Variants in DLGAP1 observed in about 807,000 individuals in gnomAD.
DLGAP1 encodes the protein DLG associated protein 1.
A neutral mutation model predicts 90.8 loss-of-function variants in DLGAP1; 11 were observed. That is an observed-to-expected ratio of 0.12 (90% CI 0.08 to 0.20). The LOEUF (loss-of-function observed/expected upper bound fraction) is 0.20, where lower values mean the gene tolerates loss of function less well. Among genes scored for constraint, DLGAP1 ranks in the 10% least tolerant of loss-of-function variants. DLGAP1 has a pLI of 1.00. For missense variants in DLGAP1, 1,050 were observed against 1,333.8 expected, an observed-to-expected ratio of 0.79 and a Z score of 3.31; for synonymous variants, 558 against 540.7, an observed-to-expected ratio of 1.03 and a Z score of -0.44.
At chr18:3,582,529 A>C (rs1316912472) in intron 7 of DLGAP1, among the ~76,000 whole-genome samples, 1 of 152,164 alleles carries the variant, frequency 6.6e-6, no homozygotes, top group East Asian at 1.9e-4. Flanking sequence ...AACATAAACT[A>C]GATACGATTA....
At chr18:4,401,218 A>G (rs1381347564) in intron 1 of DLGAP1, among the ~76,000 whole-genome samples, 1 of 152,180 alleles carries the variant, frequency 6.6e-6, no homozygotes, top group Non-Finnish European at 1.5e-5. Flanking sequence ...TCACAACACA[A>G]AACTCCTTTG....
chr18:3,652,594 C>T (rs371245510), intron 7 of DLGAP1, among the ~76,000 whole-genome samples: 8 of 152,188 alleles, frequency 5.3e-5, no homozygotes, highest in African/African-American at 1.2e-4. Context: ...TTTCCTGCCT[C>T]GCCCTCCCAG....
intron 5 of DLGAP1, among the ~76,000 whole-genome samples, chr18:3,746,862 T>A (rs2003032): frequency 0.45 from 68,485 of 151,930 alleles, 16,702 homozygotes; most frequent in African/African-American, 0.64. Flanking sequence ...CTTAGTAGCA[T>A]TGTGTACGAT....
intron 1 of DLGAP1, among the ~76,000 whole-genome samples, chr18:4,341,787 C>T (rs1300468004): frequency 1.3e-5 from 2 of 152,130 alleles, no homozygotes; most frequent in Non-Finnish European, 2.9e-5. Flanking sequence ...AAGAGGGATT[C>T]ATTTTAGCTC....
Position 3,653,659 on chromosome 18 carries a change from A to G in DLGAP1, c.1592-71411T>C, listed in dbSNP as rs2059388796. ...TGGAATCTTGGTTTGTTTTTCTCTT[A>G]GGACTTTGACAATTATTTTTCCTTG... On this transcript the variant is annotated intron_variant, in intron 7 of 12. Coordinates refer to ENST00000315677, the MANE Select transcript of DLGAP1 (RefSeq NM_004746.4). This position sits in a 1 kb window ranked among gnomAD's most constrained non-coding sequence, Gnocchi z 4.6. 6.6e-6 allele frequency: 1 copy of G among 152,224 alleles called. No homozygotes were observed. 9.4% of individuals were successfully genotyped at this position (152,224 alleles called of 1,614,324 possible).
At chr18:4,136,045 T>G (rs1001405516) in intron 2 of DLGAP1, among the ~76,000 whole-genome samples, 1 of 151,650 alleles carries the variant, frequency 6.6e-6, no homozygotes, top group African/African-American at 2.4e-5. Context: ...AGGCCCGATG[T>G]GTGATGTTCC....
chr18:3,899,406 C>T (rs2071733987), intron 3 of DLGAP1, among the ~76,000 whole-genome samples: 1 of 152,198 alleles, frequency 6.6e-6, no homozygotes, highest in African/African-American at 2.4e-5. Context: ...GCAAGAGTGC[C>T]TGTGGCCAGA....
chr18:3,500,529 G>A (rs74834850), intron 12 of DLGAP1, among the ~76,000 whole-genome samples: 2,382 of 152,284 alleles, frequency 0.016, 51 homozygotes, highest in African/African-American at 0.045. Context: ...CAAGTGCCTA[G>A]TTCAACTTCT....
chr18:3,504,561 T>G (rs997092552), intron 11 of DLGAP1, among the ~76,000 whole-genome samples: 1 of 151,992 alleles, frequency 6.6e-6, no homozygotes, highest in African/African-American at 2.4e-5. Flanking sequence ...ATTTTTGTGT[T>G]TTTTTGTAGA....
intron 5 of DLGAP1, among the ~76,000 whole-genome samples, chr18:3,793,963 C>A (rs1171221096): frequency 1.3e-5 from 2 of 152,242 alleles, no homozygotes; most frequent in Non-Finnish European, 2.9e-5. Context: ...GATGCAAGCT[C>A]TGTAAGGGCA....
chr18:3,906,344 TTTATC>T (rs1259062347), intron 3 of DLGAP1, among the ~76,000 whole-genome samples: 1 of 152,198 alleles, frequency 6.6e-6, no homozygotes, highest in Non-Finnish European at 1.5e-5. Flanking sequence ...TGCATTTTGC[TTTATC>T]TTATCTTGAG....
intron 1 of DLGAP1, among the ~76,000 whole-genome samples, chr18:4,356,845 T>C (rs1185267960): frequency 6.6e-6 from 1 of 152,180 alleles, no homozygotes. Context: ...ATCACCTTTG[T>C]TTGCTCTGCT....
intron 3 of DLGAP1, among the ~76,000 whole-genome samples, chr18:3,945,764 C>T (rs797000484): frequency 1.1e-4 from 15 of 140,250 alleles, no homozygotes; most frequent in African/African-American, 4.0e-4. Context: ...CACATGTACC[C>T]TAAAACTTAA....
At chr18:4,343,272 A>C (rs1046021324) in intron 1 of DLGAP1, among the ~76,000 whole-genome samples, 7 of 148,874 alleles carry the variant, frequency 4.7e-5, no homozygotes. Context: ...GTGCCACTGC[A>C]CTCCAGCCTG....
intron 5 of DLGAP1, among the ~76,000 whole-genome samples, chr18:3,810,923 A>T (rs2066800315): frequency 6.6e-6 from 1 of 152,054 alleles, no homozygotes; most frequent in African/African-American, 2.4e-5. Context: ...CTCCCACCTC[A>T]GCCTCCCGAG....
Position 3,711,821 on chromosome 18 carries a change from A to C in DLGAP1, c.1591+17314T>G, listed in dbSNP as rs899768144. Among the ~76,000 whole-genome samples, 5 of 152,234 alleles carry C rather than the reference A, an allele frequency of 3.3e-5. No homozygotes were observed. Among genetic ancestry groups the C allele is most frequent in the African/African-American group, 1.2e-4 (5 of 41,466 alleles). ...GCCACTGCACTCCAGTCTGGGCAAC[A>C]GAGTGAGACCTTGTCTCAAAAAGAA... is the stretch of plus-strand genomic sequence containing the variant. On this transcript the variant is annotated intron_variant, in intron 7 of 12. Transcript: ENST00000315677. The surrounding 1 kb of genome is among the most constrained non-coding windows in gnomAD (Gnocchi z 4.0).
rs60343720 is a variant in DLGAP1, at chr18:3,551,960, G to GT, written c.2057+15529dup. Among the ~76,000 whole-genome samples the GT allele has an allele frequency of 9.0e-3, 1,292 of 142,862 alleles. 26 individuals are homozygous for GT. Among genetic ancestry groups the GT allele is most frequent in the African/African-American group, 0.03 (1,154 of 38,810 alleles). The allele number at this position is 142,862 out of a possible 152,430, so 93.7% of individuals were successfully genotyped here. On this transcript the variant is annotated intron_variant, in intron 9 of 12. Transcript: ENST00000315677. ...CACTTGGCTAATTTATTTTTAAATT[G>GT]TTTTTTTTTTTCTTTCTTTTTATTT...
At chr18:3,853,009 G>C (rs2069428804) in intron 4 of DLGAP1, among the ~76,000 whole-genome samples, 1 of 151,744 alleles carries the variant, frequency 6.6e-6, no homozygotes, top group Non-Finnish European at 1.5e-5. Context: ...AACTAGTTGG[G>C]CATTTATTTT....
intron 2 of DLGAP1, among the ~76,000 whole-genome samples, chr18:4,079,989 GCTGT>G (rs952477672): frequency 7.3e-4 from 111 of 152,198 alleles, no homozygotes; most frequent in African/African-American, 2.6e-3. Flanking sequence ...TATGGGTGTG[GCTGT>G]CTAACTTTAA....
Sources: gnomAD v4.1 joint callset for allele counts (sites outside exome capture counted in the v4.1 genomes callset) on GRCh38, gnomAD v4.1.1 for gene constraint, Gnocchi (gnomAD v3.1) non-coding constraint, MANE v1.5 for transcripts, NCBI Gene and HGNC (gene_info 2026-07-23, HGNC 2026-07-21) for gene names.